TP63: variants seen among roughly 807,000 people sequenced by gnomAD.
The protein encoded by TP63 is tumor protein 63.
In TP63, 17 loss-of-function variants were observed where a neutral mutation model predicts 82.8. The ratio of observed to expected loss-of-function variants is 0.21; its 90% CI spans 0.14 to 0.31. TP63 has a LOEUF of 0.31. Among genes scored for constraint, TP63 ranks in the 10% least tolerant of loss-of-function variants. The pLI is 1.00. For missense variants in TP63, 648 were observed against 895.3 expected (o/e 0.72, Z 3.52); for synonymous variants, 330 against 321.7 (o/e 1.03, Z -0.28).
intron 1 of TP63, among the ~76,000 whole-genome samples, chr3:189,632,048 T>C (rs1029534904): frequency 6.7e-6 from 1 of 149,064 alleles, no homozygotes; most frequent in Non-Finnish European, 1.5e-5. Context: ...TTTTGGTATG[T>C]TTGATAATGA....
intron 4 of TP63, among the ~76,000 whole-genome samples, chr3:189,849,236 G>A (rs939305814): frequency 2.6e-5 from 4 of 152,254 alleles, no homozygotes; most frequent in African/African-American, 7.2e-5. Flanking sequence ...ACCAGTAAAT[G>A]TGTTTCCTTG....
intron 4 of TP63, among the ~76,000 whole-genome samples, chr3:189,840,008 T>C (rs1253011150): frequency 6.6e-6 from 1 of 152,212 alleles, no homozygotes; most frequent in Non-Finnish European, 1.5e-5. Context: ...GGAATAACAA[T>C]GTCTACTTCA....
At chr3:189,762,718 T>C (rs1722670663) in intron 3 of TP63, among the ~76,000 whole-genome samples, 2 of 152,208 alleles carry the variant, frequency 1.3e-5, no homozygotes, top group Non-Finnish European at 2.9e-5. Flanking sequence ...TGTGTACTTA[T>C]TAGTTCAAGA....
intron 1 of TP63, among the ~76,000 whole-genome samples, chr3:189,713,271 A>T (rs1718726711): frequency 6.6e-6 from 1 of 152,194 alleles, no homozygotes. Flanking sequence ...TTACTGAATG[A>T]ATGGACAAAC....
At chr3:189,691,172 CT>C (rs1167325419) in intron 1 of TP63, among the ~76,000 whole-genome samples, 2 of 151,544 alleles carry the variant, frequency 1.3e-5, no homozygotes, top group African/African-American at 2.4e-5. Flanking sequence ...AACCCTGTCT[CT>C]ATTAAAAATA....
At chr3:189,733,637 G>C (rs1720332990) in intron 1 of TP63, among the ~76,000 whole-genome samples, 1 of 152,074 alleles carries the variant, frequency 6.6e-6, no homozygotes. Flanking sequence ...TTCTGTTTTT[G>C]ACATTTGCTA....
At chr3:189,683,881 A>G (rs1054355537) in intron 1 of TP63, among the ~76,000 whole-genome samples, 5 of 152,216 alleles carry the variant, frequency 3.3e-5, no homozygotes, top group Non-Finnish European at 5.9e-5. Flanking sequence ...CAATGTTCTC[A>G]CCAGAAGGAA....
At chr3:189,674,594 A>C (rs906261719) in intron 1 of TP63, among the ~76,000 whole-genome samples, 1 of 152,150 alleles carries the variant, frequency 6.6e-6, no homozygotes, top group Non-Finnish European at 1.5e-5. Context: ...GAAATCTGCA[A>C]TATTTATCCA....
At chr3:189,838,725 T>G (rs1309611818) in intron 4 of TP63, among the ~76,000 whole-genome samples, 11 of 152,050 alleles carry the variant, frequency 7.2e-5, no homozygotes, top group Admixed American at 6.6e-4. Flanking sequence ...AGAGCAAAAG[T>G]TTAAAACTTG....
intron 8 of TP63, 130 bp downstream of exon 8, chr3:189,868,846 A>G: frequency 1.4e-6 from 2 of 1,419,956 alleles, no homozygotes; most frequent in Admixed American, 3.4e-5. Context: ...CAGCCCTCAG[A>G]GCCAGTGAGA....
rs565656888 is a variant in TP63, at chr3:189,834,530, C to T, written c.579+26004C>T. On this transcript the variant is annotated intron_variant, in intron 4 of 13. Transcript: ENST00000264731. ...AGGAATTTTCCATTAGGAATTTCTA[C>T]CAAAAAGAAAAGAAAATACGTTACT... Among the ~76,000 whole-genome samples the T allele has an allele frequency of 2.2e-4, 34 of 152,228 alleles. No homozygotes were observed. The South Asian group carries it at 6.9e-3, about 31-fold the overall frequency.
At chr3:189,649,636 A>G (rs1014834859) in intron 1 of TP63, among the ~76,000 whole-genome samples, 2 of 147,192 alleles carry the variant, frequency 1.4e-5, no homozygotes, top group Non-Finnish European at 3.0e-5. Context: ...GTTAAAAAGA[A>G]AGGAAAACAG....
At chr3:189,605,900 G>T in the TP63 span, among the ~76,000 whole-genome samples, 1 of 152,154 alleles carries the variant, frequency 6.6e-6, no homozygotes, top group Non-Finnish European at 1.5e-5. Flanking sequence ...GAGCTTTGGT[G>T]TTCATAGTTT....
chr3:189,738,592 TTTTAGTCCC>T, intron 2 of TP63, 41 bp from the exon 3 acceptor site: 1 of 1,613,648 alleles, frequency 6.2e-7, no homozygotes, highest in Non-Finnish European at 8.5e-7. Flanking sequence ...CATGAGTATA[TTTTAGTCCC>T]TTTCCATGCC....
chr3:189,886,257 T>C, intron 10 of TP63, 137 bp from the exon 11 acceptor site: 1 of 1,001,254 alleles, frequency 1.0e-6, no homozygotes, highest in Non-Finnish European at 1.5e-6. Context: ...AAAATTAACT[T>C]CTTACCATTA....
chr3:189,712,675 G>T (rs1577286631), intron 1 of TP63, among the ~76,000 whole-genome samples: 1 of 152,116 alleles, frequency 6.6e-6, no homozygotes. Flanking sequence ...TCAACATATA[G>T]ATTTGGTGGG....
At chr3:189,801,934 C>A (rs1211883487) in intron 3 of TP63, among the ~76,000 whole-genome samples, 1 of 152,116 alleles carries the variant, frequency 6.6e-6, no homozygotes, top group African/African-American at 2.4e-5. Flanking sequence ...CTAATAAAAT[C>A]TGGTTTTGAG....
At chr3:189,772,859 G>T (rs931528679) in intron 3 of TP63, among the ~76,000 whole-genome samples, 3 of 152,170 alleles carry the variant, frequency 2.0e-5, no homozygotes, top group African/African-American at 7.2e-5. Context: ...CTTCAAGGAA[G>T]AAATAAGCAG....
At chr3:189,643,242 C>CCCT (rs1225814698) in intron 1 of TP63, among the ~76,000 whole-genome samples, 1 of 152,126 alleles carries the variant, frequency 6.6e-6, no homozygotes, top group Non-Finnish European at 1.5e-5. Context: ...CCCAGGTGAT[C>CCCT]TGCCCGCCTC....
Sources: allele counts gnomAD v4.1 joint callset (sites outside exome capture counted in the v4.1 genomes callset), GRCh38; gene constraint gnomAD v4.1.1; transcripts MANE v1.5; gene names NCBI Gene and HGNC (gene_info 2026-07-23, HGNC 2026-07-21).